ENPP7: variants seen among roughly 807,000 people sequenced by gnomAD.
ENPP7 encodes the protein ectonucleotide pyrophosphatase/phosphodiesterase family member 7.
In ENPP7, 39 loss-of-function variants were observed where a neutral mutation model predicts 33.6. That is an observed-to-expected ratio of 1.16 (90% confidence interval 0.90 to 1.52). The LOEUF is 1.52. ENPP7 is among the 40% of genes most tolerant of loss of function. The pLI is 0.00. For synonymous variants in ENPP7, 244 were observed against 274.3 expected, an observed-to-expected ratio of 0.89 and a Z score of 1.09; for missense variants, 594 against 641.0, an observed-to-expected ratio of 0.93 and a Z score of 0.79.
chr17:79,736,971 T>C, intron 3 of ENPP7, 70 bp from the exon 4 acceptor site: 1 of 1,330,850 alleles, frequency 7.5e-7, no homozygotes, highest in Non-Finnish European at 1.1e-6. Flanking sequence ...GTTCATAGGG[T>C]GGATAGGGTA....
At position 79,738,514 on chromosome 17, in the gene ENPP7, G is replaced by A. The variant is rs2094300208; in HGVS notation, c.*16+452G>A. On this transcript the variant is annotated intron_variant, in intron 5 of 5. Coordinates refer to ENST00000328313, the MANE Select transcript of ENPP7 (RefSeq NM_178543.5). The surrounding 1 kb of genome is among the most constrained non-coding windows in gnomAD (Gnocchi z 6.2). ...CACGCATGAGGTGTGTTTGGTAGGAGAGCACCAGGGCTATATTCCTGGAAC... is the reference window on the plus strand; with the variant it reads ...CACGCATGAGGTGTGTTTGGTAGGAAAGCACCAGGGCTATATTCCTGGAAC... The A allele has an allele frequency of 6.1e-6, 1 of 163,450 alleles. No homozygotes were observed. Among genetic ancestry groups the A allele is most frequent in the South Asian group, 1.6e-4 (1 of 6,088 alleles). 10.1% of individuals were successfully genotyped at this position (163,450 alleles called of 1,614,324 possible).
intron 1 of ENPP7, among the ~76,000 whole-genome samples, chr17:79,732,748 C>T (rs532689529): frequency 1.3e-5 from 2 of 152,324 alleles, no homozygotes; most frequent in Non-Finnish European, 2.9e-5. Context: ...TATACATCCC[C>T]TTACCCTAGC....
In ENPP7 at chr17:79,738,205, C is replaced by T. The variant is rs2094299531; in HGVS notation, c.*16+143C>T. 2.7e-6 allele frequency: 2 copies of T among 752,924 alleles called. No individual in the cohort carries two copies. Among genetic ancestry groups the T allele is most frequent in the Non-Finnish European group, 4.3e-6 (2 of 465,668 alleles). 46.6% of individuals were successfully genotyped at this position (752,924 alleles called of 1,614,324 possible). ...GGTGACTCCCACTGACCTGGCTGCC[C>T]CAGAGAGGCCATCACCCCTGAGATC... On this transcript the variant is annotated intron_variant, in intron 5 of 5. Coordinates refer to ENST00000328313, the MANE Select transcript of ENPP7 (RefSeq NM_178543.5). The surrounding 1 kb of genome is among the most constrained non-coding windows in gnomAD (Gnocchi z 6.2).
In ENPP7 at chr17:79,735,814, T is replaced by G. The variant is rs2094294699; in HGVS notation, c.1026+145T>G. The G allele has an allele frequency of 1.3e-6, 1 of 759,028 alleles. No homozygotes were observed. Among genetic ancestry groups the G allele is most frequent in the South Asian group, 1.9e-5 (1 of 52,960 alleles). 47.0% of individuals were successfully genotyped at this position (759,028 alleles called of 1,614,324 possible). A position where few individuals can be genotyped will look rare whatever the true frequency, so the allele number is the denominator to read the frequency against. On this transcript the variant is annotated intron_variant, in intron 3 of 5. Transcript: ENST00000328313. The surrounding 1 kb of genome is among the most constrained non-coding windows in gnomAD (Gnocchi z 5.5). ...ATCTCAGCTCACTGCAGCCTTAAAC[T>G]CCCAGACTCAAGCGATCCTTCCACC...
Position 79,735,043 on chromosome 17 carries a change from G to A in ENPP7, c.400G>A (p.Gly134Ser). The A allele has an allele frequency of 6.2e-7, 1 of 1,612,446 alleles. No individual in the cohort carries two copies. The highest frequency in any genetic ancestry group is 8.5e-7 in the Non-Finnish European group (1 of 1,179,636). ...TCTTTCACGCTGCCTTGTCTGGCAG[G>A]GCCTGAGGGCTGGCTCCTTCTTCTA... ...VPIWITAQRQ[G>S]LRAGSFFYPG... is the part of the protein sequence containing the mutation. The change falls in exon 3 of 6, where the codon GGC (glycine) becomes AGC (serine). Residue 134 changes from glycine to serine, a missense_variant and splice_region_variant. Gly to Ser is a moderately conservative substitution (Grantham distance 56). Around this residue, in one of 3 missense-constraint regions of ENPP7, gnomAD observed 504 missense variants for 512.8 expected, o/e 0.98. Coordinates refer to ENST00000328313, the MANE Select transcript of ENPP7 (RefSeq NM_178543.5). This position sits in a 1 kb window ranked among gnomAD's most constrained non-coding sequence, Gnocchi z 5.5.
intron 1 of ENPP7, among the ~76,000 whole-genome samples, chr17:79,732,381 A>G (rs1363600080): frequency 1.3e-5 from 2 of 151,988 alleles, no homozygotes; most frequent in Non-Finnish European, 2.9e-5. Context: ...CCACCTCCCA[A>G]ACCTGCGTCA....
rs782174881 is a variant in ENPP7, at chr17:79,737,976, C to T, written c.1307C>T (p.Pro436Leu). The T allele has an allele frequency of 1.5e-5, 25 of 1,613,798 alleles. No homozygotes were observed. Among genetic ancestry groups the T allele is most frequent in the African/African-American group, 6.7e-5 (5 of 75,054 alleles). ...CTGCCCAAGGGAAGATCTGCTCTCC[C>T]GCCCAGCAGCAGGCCCCTCCTCGTG... is the stretch of plus-strand genomic sequence containing the variant. ...TLLPKGRSALPPSSRPLLVMG... is the reference protein window; with the variant it reads ...TLLPKGRSALLPSSRPLLVMG... Residue 436 changes from proline (P) to leucine (L), a missense_variant, in exon 5 of 6, where the codon CCG becomes CTG. By Grantham distance (98) the Pro-to-Leu change is moderately conservative. Transcript: ENST00000328313. The surrounding 1 kb of genome is among the most constrained non-coding windows in gnomAD (Gnocchi z 5.5).
At chr17:79,736,928 A>G (rs1401505658) in intron 3 of ENPP7, 113 bp from the exon 4 acceptor site, 1 of 788,946 alleles carries the variant, frequency 1.3e-6, no homozygotes, top group Admixed American at 2.1e-5. Flanking sequence ...GAACCCCTCC[A>G]GCCCTCACGT....
rs551732034 is a variant in ENPP7, at chr17:79,731,320, G to A, written c.181G>A (p.Gly61Arg). 100 of 1,613,810 alleles carry A rather than the reference G, an allele frequency of 6.2e-5. No individual in the cohort carries two copies. Among genetic ancestry groups the A allele is most frequent in the Non-Finnish European group, 7.9e-5 (93 of 1,179,920 alleles). Residue 61 changes from glycine to arginine, a missense_variant, in exon 1 of 6, where the codon GGG (glycine) becomes AGG (arginine). Coordinates refer to ENST00000328313, the MANE Select transcript of ENPP7 (RefSeq NM_178543.5). ...CAACCTGGACGCCATGGCCCGAGAC[G>A]GGGTGAAGGCACGCTACATGACCCC... ...TPNLDAMARDGVKARYMTPAF... is the reference protein window; with the variant it reads ...TPNLDAMARDRVKARYMTPAF...
In ENPP7 at chr17:79,731,204, C is replaced by T. The variant is rs782796067; in HGVS notation, c.65C>T (p.Ala22Val). The stretch of plus-strand genomic sequence containing the variant: ...ACGCTCCTGGCTCCCGGGGCCGGAG[C>T]ACCGGTACAAAGTCAGGGCTCCCAG... Reference protein sequence around the residue: ...LATLLAPGAGAPVQSQGSQNK... With the variant: ...LATLLAPGAGVPVQSQGSQNK... The change falls in exon 1 of 6, where the codon GCA (alanine) becomes GTA (valine). Residue 22 changes from alanine (A) to valine (V), a missense_variant. Ala to Val is a moderately conservative substitution (Grantham distance 64). This residue lies in a region of ENPP7 where 85 missense variants were observed against 111.3 expected (regional missense o/e 0.76). Coordinates refer to ENST00000328313, the MANE Select transcript of ENPP7 (RefSeq NM_178543.5). 3 of 1,612,154 alleles carry T rather than the reference C, an allele frequency of 1.9e-6. No homozygotes were observed. The highest frequency in any genetic ancestry group is 2.5e-6 in the Non-Finnish European group (3 of 1,179,904).
At position 79,739,197 on chromosome 17, in the gene ENPP7, CG is replaced by C; in HGVS notation, c.*16+1137del. ...GGACAGGCCCGCGGTGGGACAGGTT[CG>C]GCGTGTTTGGGATGAGACAGAAGGC... is the stretch of plus-strand genomic sequence containing the variant. On this transcript the variant is annotated intron_variant, in intron 5 of 5. Coordinates refer to ENST00000328313, the MANE Select transcript of ENPP7 (RefSeq NM_178543.5). The surrounding 1 kb of genome is among the most constrained non-coding windows in gnomAD (Gnocchi z 4.4). 1 of 152,368 alleles carries C rather than the reference CG, an allele frequency of 6.6e-6. No individual in the cohort carries two copies. Among genetic ancestry groups the C allele is most frequent in the Non-Finnish European group, 1.5e-5 (1 of 68,180 alleles). 9.4% of individuals were successfully genotyped at this position (152,368 alleles called of 1,614,324 possible).
intron 1 of ENPP7, among the ~76,000 whole-genome samples, chr17:79,732,531 G>A (rs1175583032): frequency 5.3e-5 from 8 of 152,078 alleles, no homozygotes; most frequent in Non-Finnish European, 7.4e-5. Flanking sequence ...GCACCCACCC[G>A]GAAGGTTCCA....
In ENPP7 at chr17:79,737,115, C is replaced by G; in HGVS notation, c.1101C>G (p.Arg367=). 1 of 1,614,166 alleles carries G rather than the reference C, an allele frequency of 6.2e-7. No individual in the cohort carries two copies. Among genetic ancestry groups the G allele is most frequent in the Non-Finnish European group, 8.5e-7 (1 of 1,180,030 alleles). ...NKDMDMKTIF[R]AVGPSFRAGL... ...ACATGGACATGAAGACCATCTTCCG[C>G]GCTGTGGGCCCTAGCTTCAGGGCGG... The change falls in exon 4 of 6, where the codon CGC becomes CGG. Residue 367 remains arginine (R), a synonymous_variant. Coordinates refer to ENST00000328313, the MANE Select transcript of ENPP7 (RefSeq NM_178543.5). This position sits in a 1 kb window ranked among gnomAD's most constrained non-coding sequence, Gnocchi z 5.5.
chr17:79,738,000 T>C lies in ENPP7; in HGVS notation c.1331T>C (p.Val444Ala). 6.2e-7 allele frequency: 1 copy of C among 1,613,286 alleles called. No homozygotes were observed. The highest frequency in any genetic ancestry group is 1.1e-5 in the South Asian group (1 of 91,084). Reference protein sequence around the residue: ...ALPPSSRPLLVMGLLGTVILL... With the variant: ...ALPPSSRPLLAMGLLGTVILL... The stretch of plus-strand genomic sequence containing the variant: ...CCGCCCAGCAGCAGGCCCCTCCTCG[T>C]GATGGGACTGCTGGGGACCGTGATT... Residue 444 changes from valine to alanine, a missense_variant, in exon 5 of 6, where the codon GTG (valine) becomes GCG (alanine). Val to Ala is a moderately conservative substitution (Grantham distance 64). Around this residue, in one of 3 missense-constraint regions of ENPP7, gnomAD observed 504 missense variants for 512.8 expected, o/e 0.98. Transcript: ENST00000328313. This position sits in a 1 kb window ranked among gnomAD's most constrained non-coding sequence, Gnocchi z 5.5.
In ENPP7 at chr17:79,738,172, G is replaced by A. The variant is rs886385511; in HGVS notation, c.*16+110G>A. On this transcript the variant is annotated intron_variant, in intron 5 of 5. Coordinates refer to ENST00000328313, the MANE Select transcript of ENPP7 (RefSeq NM_178543.5). This position sits in a 1 kb window ranked among gnomAD's most constrained non-coding sequence, Gnocchi z 6.2. ...AACCAGAACAGAGCTGCCAGGCCCC[G>A]CCAAGCAGGTGACTCCCACTGACCT... 1.4e-5 allele frequency: 16 copies of A among 1,172,130 alleles called. No individual in the cohort carries two copies. Among genetic ancestry groups the A allele is most frequent in the South Asian group, 5.6e-5 (4 of 70,898 alleles). 72.6% of individuals were successfully genotyped at this position (1,172,130 alleles called of 1,614,324 possible).
Position 79,739,637 on chromosome 17 carries a change from C to G in ENPP7, c.*16+1575C>G, listed in dbSNP as rs1189258767. On this transcript the variant is annotated intron_variant, in intron 5 of 5. Transcript: ENST00000328313. This position sits in a 1 kb window ranked among gnomAD's most constrained non-coding sequence, Gnocchi z 4.4. The stretch of plus-strand genomic sequence containing the variant: ...GGGACAGGAGTCGGGGGGGCCGAGA[C>G]TTGTTTCGGCCGTGATCAGCCTCAA... 1.3e-5 allele frequency: 2 copies of G among 152,320 alleles called. No homozygotes were observed. The highest frequency in any genetic ancestry group is 2.9e-5 in the Non-Finnish European group (2 of 68,130). The allele number at this position is 152,320 out of a possible 1,614,324, so 9.4% of individuals were successfully genotyped here.
At position 79,737,362 on chromosome 17, in the gene ENPP7, T is replaced by A; in HGVS notation, c.1246+102T>A. ...GACCAGGACACCCTTGAGCCCCAAG[T>A]GGGGCCACCTCCCCTGGCTTTGGAG... is the stretch of plus-strand genomic sequence containing the variant. On this transcript the variant is annotated intron_variant, in intron 4 of 5. Coordinates refer to ENST00000328313, the MANE Select transcript of ENPP7 (RefSeq NM_178543.5). This position sits in a 1 kb window ranked among gnomAD's most constrained non-coding sequence, Gnocchi z 5.5. 1 of 923,886 alleles carries A rather than the reference T, an allele frequency of 1.1e-6. No homozygotes were observed. Among genetic ancestry groups the A allele is most frequent in the Non-Finnish European group, 1.7e-6 (1 of 604,172 alleles). The allele number at this position is 923,886 out of a possible 1,614,324, so 57.2% of individuals were successfully genotyped here.
Position 79,731,311 on chromosome 17 carries a change from G to T in ENPP7, c.172G>T (p.Ala58Ser). 3 of 1,613,886 alleles carry T rather than the reference G, an allele frequency of 1.9e-6. No homozygotes were observed. Among genetic ancestry groups the T allele is most frequent in the Non-Finnish European group, 2.5e-6 (3 of 1,179,948 alleles). ...DVDTPNLDAM[A>S]RDGVKARYMT... ...GGACACCCCCAACCTGGACGCCATG[G>T]CCCGAGACGGGGTGAAGGCACGCTA... The change falls in exon 1 of 6, where the codon GCC becomes TCC. Residue 58 changes from alanine to serine, a missense_variant. Transcript: ENST00000328313.
intron 1 of ENPP7, among the ~76,000 whole-genome samples, chr17:79,732,130 A>ATG (rs374048746): frequency 0.056 from 1,612 of 29,042 alleles, 59 homozygotes; most frequent in African/African-American, 0.089. Context: ...ACATATATAT[A>ATG]TGTATATATA....
Sources: gnomAD v4.1 joint callset for allele counts (sites outside exome capture counted in the v4.1 genomes callset) on GRCh38, gnomAD v4.1.1 for gene constraint, gnomAD v4.1.1 regional missense constraint, Gnocchi (gnomAD v3.1) non-coding constraint, MANE v1.5 for transcripts, NCBI Gene and HGNC (gene_info 2026-07-23, HGNC 2026-07-21) for gene names.